The following TRAPPC11 variants were observed in gnomAD, a reference collection of about 807,000 sequenced individuals.
TRAPPC11 encodes foie gras homolog.
In TRAPPC11, 104 loss-of-function variants were observed where a neutral mutation model predicts 151.2. The ratio of observed to expected loss-of-function variants is 0.69; its 90% CI spans 0.59 to 0.81. The LOEUF (loss-of-function observed/expected upper bound fraction) is 0.81. Among genes scored for constraint, TRAPPC11 ranks in the 30% least tolerant of loss-of-function variants. The pLI, the probability that TRAPPC11 is intolerant of heterozygous loss-of-function variation, is 0.00. For missense variants in TRAPPC11, 1,230 were observed against 1,349.6 expected, an observed-to-expected ratio of 0.91 and a Z score of 1.39; for synonymous variants, 456 against 472.3, an observed-to-expected ratio of 0.97 and a Z score of 0.45.
intron 23 of TRAPPC11, among the ~76,000 whole-genome samples, chr4:183,696,691 A>AC (rs886977592): frequency 2.6e-5 from 4 of 151,596 alleles, no homozygotes; most frequent in South Asian, 4.2e-4. Flanking sequence ...CACCATGCCC[A>AC]CCCCCCCATT....
In TRAPPC11 at chr4:183,675,373, G is replaced by A; in HGVS notation, c.734+136G>A. Reference sequence around the variant, plus strand: ...GCTTAGATTTAGGAATTAGTGTAGAGATGAATGGAGTATAATATTTTAGGA... The same window carrying A: ...GCTTAGATTTAGGAATTAGTGTAGAAATGAATGGAGTATAATATTTTAGGA... On this transcript the variant is annotated intron_variant, in intron 7 of 29. Transcript: ENST00000334690. 3 of 431,716 alleles carry A rather than the reference G, an allele frequency of 6.9e-6. No homozygotes were observed. In the East Asian group the frequency reaches 1.1e-4, roughly 16 times the overall value. 26.7% of individuals were successfully genotyped at this position (431,716 alleles called of 1,614,324 possible).
intron 25 of TRAPPC11, among the ~76,000 whole-genome samples, chr4:183,699,625 A>G (rs1231808098): frequency 2.0e-5 from 3 of 152,198 alleles, no homozygotes; most frequent in African/African-American, 7.2e-5. Context: ...CACAGATTCA[A>G]CTGTATTAAA....
chr4:183,665,091 CTTTTTTTT>C (rs66913932), intron 2 of TRAPPC11, among the ~76,000 whole-genome samples: 2 of 106,450 alleles, frequency 1.9e-5, no homozygotes, highest in Non-Finnish European at 3.6e-5. Flanking sequence ...TCTTTTCTTT[CTTTTTTTT>C]TTTTTTTTTT....
intron 26 of TRAPPC11, among the ~76,000 whole-genome samples, chr4:183,702,116 G>A (rs559656506): frequency 2.6e-5 from 4 of 152,238 alleles, no homozygotes; most frequent in Non-Finnish European, 4.4e-5. Flanking sequence ...GACCTAGGTG[G>A]GAGGATCGCT....
At chr4:183,680,959 C>G (rs1579184489) in intron 10 of TRAPPC11, among the ~76,000 whole-genome samples, 1 of 151,992 alleles carries the variant, frequency 6.6e-6, no homozygotes, top group South Asian at 2.1e-4. Context: ...TTCCAAAGTG[C>G]TGGAATTACA....
rs1736328853 is a variant in TRAPPC11 at position 183,692,954 on chromosome 4, T to C, written c.2050-6T>C. 4 of 1,589,710 alleles carry C rather than the reference T, an allele frequency of 2.5e-6. No homozygotes were observed. The highest frequency in any genetic ancestry group is 2.7e-5 in the African/African-American group (2 of 73,608). On this transcript the variant is annotated splice_region_variant and splice_polypyrimidine_tract_variant and intron_variant, in intron 19 of 29. Coordinates refer to ENST00000334690, the MANE Select transcript of TRAPPC11 (RefSeq NM_021942.6). ...ACATTTCCAACATCCTTTTTTTTCT[T>C]TTTAGATTACTTCAGTGGATCTTGC...
chr4:183,687,370 C>T (rs534555761), intron 18 of TRAPPC11, among the ~76,000 whole-genome samples: 5 of 151,748 alleles, frequency 3.3e-5, no homozygotes, highest in South Asian at 4.2e-4. Flanking sequence ...GACGGGGTCT[C>T]GCTCTGTTGC....
chr4:183,664,055 C>T lies in TRAPPC11; in HGVS notation c.188C>T (p.Pro63Leu). 6.2e-7 allele frequency: 1 copy of T among 1,612,880 alleles called. No individual in the cohort carries two copies. The highest frequency in any genetic ancestry group is 1.3e-5 in the African/African-American group (1 of 74,920). ...FKVLPGDHEY[P>L]KCRPKRTSYE... ...GTGCTCCCAGGTGACCATGAGTATC[C>T]CAAATGTAGACCCAAGGTAATGGCA... The change falls in exon 2 of 30, where the codon CCC becomes CTC. Residue 63 changes from proline to leucine, a missense_variant. Pro to Leu is a moderately conservative substitution (Grantham distance 98). Coordinates refer to ENST00000334690, the MANE Select transcript of TRAPPC11 (RefSeq NM_021942.6).
chr4:183,661,467 G>A (rs1734527059), intron 1 of TRAPPC11, among the ~76,000 whole-genome samples: 2 of 147,098 alleles, frequency 1.4e-5, no homozygotes, highest in African/African-American at 2.5e-5. Flanking sequence ...CGCCTCCCGG[G>A]TTCACGCCAT....
intron 25 of TRAPPC11, among the ~76,000 whole-genome samples, chr4:183,698,314 G>A (rs1736645101): frequency 1.3e-5 from 2 of 152,214 alleles, no homozygotes; most frequent in Admixed American, 1.3e-4. Flanking sequence ...GTTTTAAAAA[G>A]TACTAATAAT....
In TRAPPC11 at chr4:183,670,418, C is replaced by T. The variant is rs373001745; in HGVS notation, c.560+2301C>T. Reference sequence around the variant, plus strand: ...AAGTGTTCCCAACGTTCAGACCTTTCCTCTTAGGACAATAGGCTGTCTGTG... The same window carrying T: ...AAGTGTTCCCAACGTTCAGACCTTTTCTCTTAGGACAATAGGCTGTCTGTG... On this transcript the variant is annotated intron_variant, in intron 5 of 29. Transcript: ENST00000334690. Among the ~76,000 whole-genome samples the T allele has an allele frequency of 5.5e-4, 84 of 152,276 alleles. No individual in the cohort carries two copies. The South Asian group carries it at 0.017, about 30-fold the overall frequency.
rs776229259 is a variant in TRAPPC11 at position 183,706,856 on chromosome 4, C to T, written c.3105C>T (p.His1035=). Residue 1035 remains histidine (H), a synonymous_variant, in exon 28 of 30, where the codon CAC becomes CAT. Coordinates refer to ENST00000334690, the MANE Select transcript of TRAPPC11 (RefSeq NM_021942.6). ...RVRESLPVKY[H]LQNKTDLVQD... ...GAGAGTCGTTACCTGTCAAGTATCA[C>T]CTACAGAATAAGACCGACTTAGTTC... 4 of 1,614,028 alleles carry T rather than the reference C, an allele frequency of 2.5e-6. No homozygotes were observed. The highest frequency in any genetic ancestry group is 3.4e-6 in the Non-Finnish European group (4 of 1,179,938).
At chr4:183,694,810 A>T (rs1736450344) in intron 23 of TRAPPC11, 87 bp downstream of exon 23, 1 of 1,145,946 alleles carries the variant, frequency 8.7e-7, no homozygotes, top group African/African-American at 1.6e-5. Context: ...AATAAGCATA[A>T]AATAAGCAGT....
intron 8 of TRAPPC11, among the ~76,000 whole-genome samples, chr4:183,677,940 C>CTT (rs199638936): frequency 7.1e-6 from 1 of 140,400 alleles, no homozygotes; most frequent in Non-Finnish European, 1.5e-5. Context: ...TTAGAGGAAA[C>CTT]TTTTTTTTTT....
At chr4:183,692,796 A>C (rs1736318311) in intron 19 of TRAPPC11, among the ~76,000 whole-genome samples, 164 bp from the exon 20 acceptor site, 1 of 152,216 alleles carries the variant, frequency 6.6e-6, no homozygotes, top group African/African-American at 2.4e-5. Flanking sequence ...TCTCTGTCCC[A>C]GCCCGAGTAA....
intron 25 of TRAPPC11, 43 bp downstream of exon 25, chr4:183,697,878 C>T (rs752121057): frequency 4.9e-5 from 47 of 950,250 alleles, no homozygotes; most frequent in Admixed American, 2.2e-4. Flanking sequence ...GAGAATTGTG[C>T]GCGCGTGTGT....
chr4:183,691,209 C>A (rs1043019405), intron 18 of TRAPPC11, 107 bp from the exon 19 acceptor site: 2 of 859,766 alleles, frequency 2.3e-6, no homozygotes, highest in African/African-American at 1.7e-5. Flanking sequence ...AGTAACCCTT[C>A]ATAATGCTTC....
At chr4:183,705,114 A>C in intron 27 of TRAPPC11, 44 bp downstream of exon 27, 1 of 1,319,546 alleles carries the variant, frequency 7.6e-7, no homozygotes, top group Non-Finnish European at 1.1e-6. Context: ...ACCCAATAAT[A>C]ATAGTTATTT....
chr4:183,706,689 A>G (rs563409397), intron 27 of TRAPPC11, 118 bp from the exon 28 acceptor site: 2 of 1,109,128 alleles, frequency 1.8e-6, no homozygotes, highest in Admixed American at 2.4e-5. Flanking sequence ...GCAAGAGTAC[A>G]GTAACGTCAT....
Sources: gnomAD v4.1 joint callset for allele counts (sites outside exome capture counted in the v4.1 genomes callset) on GRCh38, gnomAD v4.1.1 for gene constraint, MANE v1.5 for transcripts, NCBI Gene and HGNC (gene_info 2026-07-23, HGNC 2026-07-21) for gene names.